Variants in SLC38A7 observed in about 807,000 individuals in gnomAD.
SLC38A7 encodes the protein sodium-coupled neutral amino acid transporter 7.
Under a neutral mutation model 50.1 loss-of-function variants are expected in SLC38A7, and 29 were observed. That is an observed-to-expected ratio of 0.58 (90% CI 0.43 to 0.79). SLC38A7 has a LOEUF of 0.79. Among genes scored for constraint, SLC38A7 ranks in the 30% least tolerant of loss-of-function variants. The probability of loss-of-function intolerance (pLI) is 0.00; values close to 1 mark genes in which losing one functional copy is unlikely to be tolerated. For synonymous variants in SLC38A7, 244 were observed against 245.9 expected (o/e 0.99, Z 0.07); for missense variants, 483 against 610.6 (o/e 0.79, Z 2.20).
intron 3 of SLC38A7, among the ~76,000 whole-genome samples, chr16:58,679,334 G>C (rs2044336411): frequency 6.6e-6 from 1 of 152,186 alleles, no homozygotes; most frequent in African/African-American, 2.4e-5. Flanking sequence ...AGAGGCTGCA[G>C]TAAGCCGAGA....
intron 3 of SLC38A7, chr16:58,679,602 C>T: frequency 1.8e-6 from 1 of 550,280 alleles, no homozygotes; most frequent in Non-Finnish European, 3.2e-6. Context: ...TTTAAACATA[C>T]CACAAAATCA....
chr16:58,669,093 G>C (rs938808732), intron 11 of SLC38A7, among the ~76,000 whole-genome samples: 1 of 79,318 alleles, frequency 1.3e-5, no homozygotes, highest in African/African-American at 4.4e-5. Context: ...TTTTAGACAT[G>C]TTTGTATGGC....
At chr16:58,672,357 T>A in intron 8 of SLC38A7, 114 bp from the exon 9 acceptor site, 1 of 1,155,012 alleles carries the variant, frequency 8.7e-7, no homozygotes, top group East Asian at 2.7e-5. Context: ...TCTGGACACT[T>A]AGACGGAGGC....
At position 58,678,305 on chromosome 16, in the gene SLC38A7, T is replaced by A; in HGVS notation, c.611+28A>T. 6.6e-7 allele frequency: 1 copy of A among 1,515,118 alleles called. No individual in the cohort carries two copies. The highest frequency in any genetic ancestry group is 8.8e-7 in the Non-Finnish European group (1 of 1,130,286). The allele number at this position is 1,515,118 out of a possible 1,614,324, so 93.9% of individuals were successfully genotyped here. ...TACAGCTGCCCAGGATCATAGCTTC[T>A]GTCTGACCCAGGCTGGGGCCTCCAA... On this transcript the variant is annotated intron_variant, in intron 5 of 11. Coordinates refer to ENST00000219320, the MANE Select transcript of SLC38A7 (RefSeq NM_018231.3). The surrounding 1 kb of genome is among the most constrained non-coding windows in gnomAD (Gnocchi z 4.0).
Position 58,666,027 on chromosome 16 carries a change from C to G in SLC38A7, c.*1358G>C, listed in dbSNP as rs1206741644. On this transcript the variant is annotated 3_prime_UTR_variant, in exon 12 of 12. Transcript: ENST00000219320. ...AACTTCCAGGCCAGTGTGGCAGGCT[C>G]AAATGCTGCCCATCAGTGACAACCC... The G allele has an allele frequency of 6.6e-6, 1 of 152,474 alleles. No individual in the cohort carries two copies. Among genetic ancestry groups the G allele is most frequent in the Non-Finnish European group, 1.5e-5 (1 of 68,238 alleles). 9.4% of individuals were successfully genotyped at this position (152,474 alleles called of 1,614,324 possible).
Position 58,666,734 on chromosome 16 carries a change from G to C in SLC38A7, c.*651C>G, listed in dbSNP as rs933268201. 1 of 153,098 alleles carries C rather than the reference G, an allele frequency of 6.5e-6. No homozygotes were observed. The highest frequency in any genetic ancestry group is 1.5e-5 in the Non-Finnish European group (1 of 68,448). 9.5% of individuals were successfully genotyped at this position (153,098 alleles called of 1,614,324 possible). ...AGACCTGGTGATGTCTGGGGATGGA[G>C]GAGGAGAGGGATGCCCAGCCTGGAC... On this transcript the variant is annotated 3_prime_UTR_variant, in exon 12 of 12. Transcript: ENST00000219320.
At chr16:58,673,083 A>AT (rs34081609) in intron 8 of SLC38A7, among the ~76,000 whole-genome samples, 1,883 of 60,402 alleles carry the variant, frequency 0.031, 177 homozygotes, top group Non-Finnish European at 0.04. Context: ...TGCCCGGCTA[A>AT]TTTTTTTTTT....
intron 6 of SLC38A7, among the ~76,000 whole-genome samples, chr16:58,676,800 T>G (rs543143439): frequency 6.6e-6 from 1 of 152,054 alleles, no homozygotes; most frequent in East Asian, 1.9e-4. Flanking sequence ...TACAGGCGCC[T>G]GCCACCACAC....
chr16:58,682,111 C>T (rs1404863604), intron 2 of SLC38A7, among the ~76,000 whole-genome samples: 1 of 152,076 alleles, frequency 6.6e-6, no homozygotes, highest in African/African-American at 2.4e-5. Flanking sequence ...GAGCCCAGAT[C>T]ACGCCACTGC....
chr16:58,678,877 G>A lies in SLC38A7; in HGVS notation c.288C>T (p.Ile96=). 1 of 1,613,638 alleles carries A rather than the reference G, an allele frequency of 6.2e-7. No homozygotes were observed. Among genetic ancestry groups the A allele is most frequent in the East Asian group, 2.2e-5 (1 of 44,872 alleles). The change falls in exon 4 of 12, where the codon ATC becomes ATT. Residue 96 remains isoleucine (I), a synonymous_variant. Coordinates refer to ENST00000219320, the MANE Select transcript of SLC38A7 (RefSeq NM_018231.3). The surrounding 1 kb of genome is among the most constrained non-coding windows in gnomAD (Gnocchi z 4.0). ...IALQMGMLVF[I]ISGLVILAYC... Reference sequence around the variant, plus strand: ...AGGCCAGGATGACAAGGCCACTGATGATGAAAACCAGCATACCCTGCAGGC... The same window carrying A: ...AGGCCAGGATGACAAGGCCACTGATAATGAAAACCAGCATACCCTGCAGGC...
chr16:58,670,562 G>A (rs1567469580), intron 10 of SLC38A7, among the ~76,000 whole-genome samples: 1 of 152,256 alleles, frequency 6.6e-6, no homozygotes, highest in Non-Finnish European at 1.5e-5. Context: ...TCATGGCTGG[G>A]CAGACAGGAC....
intron 2 of SLC38A7, chr16:58,681,684 CT>C (rs2044390857): frequency 6.6e-6 from 1 of 152,206 alleles, no homozygotes; most frequent in African/African-American, 2.4e-5. Context: ...CACTTCGCCC[CT>C]TTAGGCCTTT....
At chr16:58,671,355 C>T in intron 9 of SLC38A7, 111 bp from the exon 10 acceptor site, 1 of 1,072,450 alleles carries the variant, frequency 9.3e-7, no homozygotes, top group East Asian at 2.6e-5. Context: ...AGCCCCATTC[C>T]TGACCCTCAG....
intron 11 of SLC38A7, among the ~76,000 whole-genome samples, chr16:58,668,058 T>G (rs1439306595): frequency 6.6e-6 from 1 of 150,872 alleles, no homozygotes; most frequent in Non-Finnish European, 1.5e-5. Context: ...TTCCAGCACT[T>G]TGGGAGGCCG....
In SLC38A7 at chr16:58,678,429, C is replaced by T. The variant is rs1490226361; in HGVS notation, c.515G>A (p.Trp172Ter). The part of the protein sequence containing the change: ...AKEPEGASGP[W>*]YTDRKFTISL... Reference sequence around the variant, plus strand: ...GATGGTGAACTTGCGGTCTGTGTACCAAGGGCCGCTGGCCCCCTCCGGCTC... The same window carrying T: ...GATGGTGAACTTGCGGTCTGTGTACTAAGGGCCGCTGGCCCCCTCCGGCTC... The change falls in exon 5 of 12, where the codon TGG becomes TAG. Residue 172 changes from tryptophan to a stop codon, truncating the protein, a stop_gained. Coordinates refer to ENST00000219320, the MANE Select transcript of SLC38A7 (RefSeq NM_018231.3). LOFTEE classifies it high-confidence loss of function. The surrounding 1 kb of genome is among the most constrained non-coding windows in gnomAD (Gnocchi z 4.0). 1 of 1,588,256 alleles carries T rather than the reference C, an allele frequency of 6.3e-7. No individual in the cohort carries two copies. Among genetic ancestry groups the T allele is most frequent in the South Asian group, 1.1e-5 (1 of 87,256 alleles).
chr16:58,672,376 G>T, intron 8 of SLC38A7, 133 bp from the exon 9 acceptor site: 1 of 968,404 alleles, frequency 1.0e-6, no homozygotes, highest in Non-Finnish European at 1.5e-6. Context: ...GCTCAGAGTG[G>T]GAGATGGGGC....
chr16:58,682,633 A>T (rs867133207), intron 2 of SLC38A7, among the ~76,000 whole-genome samples: 29 of 148,270 alleles, frequency 2.0e-4, no homozygotes, highest in African/African-American at 5.9e-4. Flanking sequence ...CTAACTTTTA[A>T]AATTTTTTTT....
chr16:58,671,159 G>T lies in SLC38A7; in HGVS notation c.1117C>A (p.Gln373Lys), dbSNP rs371057866. ...GTGAGCAGGAACCAGACCAGCGTCT[G>T]CAGCACTCGCCGCCGCCGCTCCCGC... ...VGRERRRRVLQTLVWFLLTLL... is the reference protein window; with the variant it reads ...VGRERRRRVLKTLVWFLLTLL... The change falls in exon 10 of 12, where the codon CAG becomes AAG. Residue 373 changes from glutamine (Q) to lysine (K), a missense_variant. Coordinates refer to ENST00000219320, the MANE Select transcript of SLC38A7 (RefSeq NM_018231.3). The T allele has an allele frequency of 4.0e-5, 64 of 1,613,912 alleles. No homozygotes were observed. The African/African-American group carries it at 7.3e-4, about 18-fold the overall frequency.
chr16:58,671,574 T>C (rs2044160033), intron 9 of SLC38A7: 1 of 370,034 alleles, frequency 2.7e-6, no homozygotes, highest in Admixed American at 4.2e-5. Context: ...TGTTTTTTGT[T>C]TTTTTGAGAC....
Sources: allele counts gnomAD v4.1 joint callset (sites outside exome capture counted in the v4.1 genomes callset), GRCh38; gene constraint gnomAD v4.1.1; non-coding constraint Gnocchi (gnomAD v3.1); transcripts MANE v1.5; gene names NCBI Gene and HGNC (gene_info 2026-07-23, HGNC 2026-07-21).